TUSC3: variants seen among roughly 807,000 people sequenced by gnomAD.
TUSC3 encodes the protein tumor suppressor candidate 3.
A neutral mutation model predicts 44.8 loss-of-function variants in TUSC3; 45 were observed. The ratio of observed to expected loss-of-function variants is 1.00; its 90% confidence interval spans 0.79 to 1.29. The LOEUF is 1.29. Among genes scored for constraint, TUSC3 ranks in the 50% most tolerant of loss-of-function variants. The pLI, the probability that TUSC3 is intolerant of heterozygous loss-of-function variation, is 0.00. For synonymous variants in TUSC3, 212 were observed against 152.9 expected (o/e 1.39, Z -2.85); for missense variants, 519 against 437.9 (o/e 1.19, Z -1.65).
At chr8:15,485,120 C>G (rs1173431895) in intron 2 of TUSC3, among the ~76,000 whole-genome samples, 1 of 151,978 alleles carries the variant, frequency 6.6e-6, no homozygotes, top group Non-Finnish European at 1.5e-5. Context: ...GTTTTTTTGC[C>G]AGCATTGATT....
intron 1 of TUSC3, among the ~76,000 whole-genome samples, chr8:15,554,828 A>T (rs1342019414): frequency 6.6e-6 from 1 of 150,564 alleles, no homozygotes; most frequent in Non-Finnish European, 1.5e-5. Context: ...GATGGTGTCG[A>T]TCTCCTGACC....
At chr8:15,427,079 G>GTTTT (rs56268327) in intron 1 of TUSC3, among the ~76,000 whole-genome samples, 28 of 143,210 alleles carry the variant, frequency 2.0e-4, no homozygotes, top group African/African-American at 6.9e-4. Context: ...TTTGGTGTTT[G>GTTTT]TTTTTTTTTT....
rs569815183 is a variant in TUSC3, at chr8:15,544,978, A to G, written c.138+4410A>G. Among the ~76,000 whole-genome samples, 8 of 151,964 alleles carry G rather than the reference A, an allele frequency of 5.3e-5. No individual in the cohort carries two copies. The South Asian group carries it at 1.2e-3, about 24-fold the overall frequency. ...AGATGAAGGATAGTTTATTATAGCA[A>G]TAGAATGGTCTTTATGTACATATGG... is the stretch of plus-strand genomic sequence containing the variant. On this transcript the variant is annotated intron_variant, in intron 1 of 10. Transcript: ENST00000503731.
At chr8:15,845,974 T>G in the TUSC3 span, among the ~76,000 whole-genome samples, 4 of 152,096 alleles carry the variant, frequency 2.6e-5, no homozygotes, top group African/African-American at 9.7e-5. Flanking sequence ...AGGCACTTCT[T>G]ACATCATGGC....
intron 2 of TUSC3, among the ~76,000 whole-genome samples, chr8:15,503,435 T>C (rs1416293401): frequency 6.6e-6 from 1 of 152,162 alleles, no homozygotes; most frequent in Non-Finnish European, 1.5e-5. Context: ...TTCTGGATAC[T>C]TCTAGGACCT....
intron 1 of TUSC3, among the ~76,000 whole-genome samples, chr8:15,611,333 C>T (rs893858711): frequency 3.9e-5 from 6 of 152,034 alleles, no homozygotes; most frequent in African/African-American, 1.2e-4. Context: ...ATTACAGGCA[C>T]CTGCCACACA....
intron 2 of TUSC3, among the ~76,000 whole-genome samples, chr8:15,492,476 C>T (rs1201346730): frequency 6.6e-6 from 1 of 152,148 alleles, no homozygotes; most frequent in East Asian, 1.9e-4. Context: ...CATTTGTTTT[C>T]ACTTTAAACA....
intron 1 of TUSC3, among the ~76,000 whole-genome samples, chr8:15,441,367 A>G (rs1800018659): frequency 6.6e-6 from 1 of 152,218 alleles, no homozygotes; most frequent in South Asian, 2.1e-4. Flanking sequence ...AGATCGCGTC[A>G]CTGCACTCCA....
At chr8:15,646,719 C>G (rs1806649638) in intron 2 of TUSC3, among the ~76,000 whole-genome samples, 1 of 152,036 alleles carries the variant, frequency 6.6e-6, no homozygotes, top group Non-Finnish European at 1.5e-5. Context: ...ATCTGATTTG[C>G]ACACAGGTAG....
At chr8:15,721,646 C>A (rs923737391) in intron 6 of TUSC3, among the ~76,000 whole-genome samples, 3 of 151,924 alleles carry the variant, frequency 2.0e-5, no homozygotes, top group African/African-American at 7.2e-5. Context: ...TAGTTAAACA[C>A]AAGAAAATTC....
chr8:15,822,926 A>G, the TUSC3 span, among the ~76,000 whole-genome samples: 21 of 152,124 alleles, frequency 1.4e-4, no homozygotes, highest in Non-Finnish European at 7.4e-5. Context: ...ATATCTGTAT[A>G]ACATAGTCAA....
the TUSC3 span, among the ~76,000 whole-genome samples, chr8:15,825,820 C>T: frequency 0.14 from 21,213 of 150,296 alleles, 1,637 homozygotes; most frequent in East Asian, 0.26. Context: ...AGTTAATTCT[C>T]TTAACTGTAT....
rs138078056 is a variant in TUSC3, at chr8:15,737,045, T to C, written c.862+6316T>C. Among the ~76,000 whole-genome samples the C allele has an allele frequency of 6.7e-3, 1,014 of 152,256 alleles. 12 individuals carry two copies. Among genetic ancestry groups the C allele is most frequent in the African/African-American group, 0.024 (990 of 41,554 alleles). On this transcript the variant is annotated intron_variant, in intron 7 of 10. Coordinates refer to ENST00000503731, the MANE Select transcript of TUSC3 (RefSeq NM_006765.4). Reference sequence around the variant, plus strand: ...AATTTTTATTCTTATAAAGATAACATTGCATTTTCTGTGAGCAAAACATTT... The same window carrying C: ...AATTTTTATTCTTATAAAGATAACACTGCATTTTCTGTGAGCAAAACATTT...
intron 6 of TUSC3, among the ~76,000 whole-genome samples, chr8:15,713,930 A>C (rs1809960289): frequency 6.6e-6 from 1 of 152,168 alleles, no homozygotes; most frequent in African/African-American, 2.4e-5. Context: ...TCACTTATTC[A>C]CAACCGTGGC....
the TUSC3 span, among the ~76,000 whole-genome samples, chr8:15,786,057 G>C: frequency 2.0e-5 from 3 of 152,078 alleles, no homozygotes; most frequent in Non-Finnish European, 4.4e-5. Context: ...TGTTTGTATA[G>C]TTACTCTGCC....
At chr8:15,831,045 C>CAG in the TUSC3 span, among the ~76,000 whole-genome samples, 16,058 of 152,218 alleles carry the variant, frequency 0.11, 952 homozygotes, top group East Asian at 0.25. Flanking sequence ...CACCACCCAT[C>CAG]AGTGTGGAAA....
intron 7 of TUSC3, among the ~76,000 whole-genome samples, chr8:15,737,447 C>CT (rs1267369745): frequency 6.6e-6 from 1 of 152,042 alleles, no homozygotes; most frequent in Admixed American, 6.6e-5. Flanking sequence ...CAAATAGCAG[C>CT]TTTTTTATGT....
At chr8:15,470,884 G>C (rs188229936) in intron 1 of TUSC3, among the ~76,000 whole-genome samples, 183 of 152,226 alleles carry the variant, frequency 1.2e-3, no homozygotes, top group African/African-American at 4.2e-3. Context: ...GCCAGGGCTG[G>C]TTCCTGCCTT....
chr8:15,658,119 C>G (rs1290995830), intron 3 of TUSC3, among the ~76,000 whole-genome samples: 2 of 152,106 alleles, frequency 1.3e-5, no homozygotes, highest in Non-Finnish European at 2.9e-5. Flanking sequence ...TTGGCGGGGA[C>G]AAACATTCAA....
Sources: gnomAD v4.1 joint callset for allele counts (sites outside exome capture counted in the v4.1 genomes callset) on GRCh38, gnomAD v4.1.1 for gene constraint, MANE v1.5 for transcripts, NCBI Gene and HGNC (gene_info 2026-07-23, HGNC 2026-07-21) for gene names.